CELF2: variants seen among roughly 807,000 people sequenced by gnomAD.
The protein encoded by CELF2 is CUGBP Elav-like family member 2.
CELF2 carries 8 observed loss-of-function variants against 62.6 expected under a neutral mutation model. That is an observed-to-expected ratio of 0.13 (90% CI 0.07 to 0.23). The LOEUF is 0.23. CELF2 is among the 10% of genes least tolerant of loss of function. The pLI, the probability that CELF2 is intolerant of heterozygous loss-of-function variation, is 1.00. For missense variants in CELF2, 333 were observed against 671.0 expected (o/e 0.50, Z 5.56); for synonymous variants, 258 against 250.0 (o/e 1.03, Z -0.30).
At chr10:10,557,533 A>T in the CELF2 span, among the ~76,000 whole-genome samples, 133 of 146,874 alleles carry the variant, frequency 9.1e-4, 1 homozygote, top group African/African-American at 3.1e-3. Flanking sequence ...TTTTGGTTCC[A>T]TATGAACTTT....
chr10:10,605,504 T>A, the CELF2 span, among the ~76,000 whole-genome samples: 2 of 152,244 alleles, frequency 1.3e-5, no homozygotes, highest in Non-Finnish European at 2.9e-5. Flanking sequence ...AGAAAACCTC[T>A]GTCGTTATAG....
chr10:11,004,044 C>G (rs2054799304), upstream of CELF2, among the ~76,000 whole-genome samples: 1 of 152,142 alleles, frequency 6.6e-6, no homozygotes. This position sits in a 1 kb window ranked among gnomAD's most constrained non-coding sequence, Gnocchi z 5.0. Context: ...TCTCCCCCTG[C>G]CCAGAGAACA....
At chr10:11,208,618 A>G (rs1372780811) in intron 2 of CELF2, among the ~76,000 whole-genome samples, 1 of 152,250 alleles carries the variant, frequency 6.6e-6, no homozygotes, top group Non-Finnish European at 1.5e-5. Flanking sequence ...ACCTACAGTC[A>G]AACAAGGTAG....
intron 5 of CELF2, among the ~76,000 whole-genome samples, chr10:11,262,761 A>G (rs1316989154): frequency 1.3e-5 from 2 of 152,148 alleles, no homozygotes; most frequent in Non-Finnish European, 2.9e-5. Context: ...CTGCATTAAG[A>G]TATTTCTTTG....
chr10:10,666,951 A>G, the CELF2 span, among the ~76,000 whole-genome samples: 1 of 152,148 alleles, frequency 6.6e-6, no homozygotes, highest in South Asian at 2.1e-4. Flanking sequence ...TTGCACACAC[A>G]TTCACACACA....
intron 1 of CELF2, among the ~76,000 whole-genome samples, chr10:11,147,586 C>T (rs1446978607): frequency 6.6e-6 from 1 of 152,108 alleles, no homozygotes; most frequent in East Asian, 1.9e-4. Flanking sequence ...TGCATATAAA[C>T]CAGGATGCCT....
chr10:11,119,057 G>A (rs149736866), intron 1 of CELF2, among the ~76,000 whole-genome samples: 93 of 152,274 alleles, frequency 6.1e-4, no homozygotes, highest in African/African-American at 2.1e-3. Flanking sequence ...CAGTTGACCA[G>A]CTACATGAAC....
chr10:10,787,984 A>T, the CELF2 span, among the ~76,000 whole-genome samples: 12 of 152,322 alleles, frequency 7.9e-5, no homozygotes, highest in African/African-American at 2.9e-4. Flanking sequence ...TGTCAAAATC[A>T]TATCACCAAT....
At chr10:10,822,751 A>C (rs973087498) in intron 1 of CELF2, among the ~76,000 whole-genome samples, 4 of 152,228 alleles carry the variant, frequency 2.6e-5, no homozygotes, top group Admixed American at 2.6e-4. Context: ...AGAAGGAGAG[A>C]GAGAACATGT....
intron 1 of CELF2, among the ~76,000 whole-genome samples, chr10:10,888,062 C>T (rs1306377031): frequency 6.6e-6 from 1 of 152,098 alleles, no homozygotes; most frequent in Non-Finnish European, 1.5e-5. Context: ...CGTGAGCCAC[C>T]GCACCCAGCC....
chr10:11,065,232 A>G (rs1291846), intron 1 of CELF2, among the ~76,000 whole-genome samples: 17,988 of 152,226 alleles, frequency 0.12, 1,377 homozygotes, highest in African/African-American at 0.22. Context: ...CGTGATCAAA[A>G]CATCAATATC....
chr10:10,954,223 A>G (rs200737673), intron 2 of CELF2, among the ~76,000 whole-genome samples: 1 of 72,396 alleles, frequency 1.4e-5, no homozygotes, highest in Non-Finnish European at 2.8e-5. Flanking sequence ...TATTATTATT[A>G]TTATTATTAT....
Position 10,842,007 on chromosome 10 carries a change from AT to A in CELF2, c.53+43194del, listed in dbSNP as rs1286629056. On this transcript the variant is annotated intron_variant, in intron 1 of 13. Transcript: ENST00000636488. ...TTTTCTGTATGTGGGTCCTATAAAT[AT>A]TTTGTTAGGTTTATATCTAAATATT... Among the ~76,000 whole-genome samples the A allele has an allele frequency of 2.6e-5, 4 of 151,980 alleles. No homozygotes were observed. The East Asian group carries it at 7.7e-4, about 29-fold the overall frequency.
chr10:11,161,775 T>G (rs543803620), intron 1 of CELF2, among the ~76,000 whole-genome samples: 111 of 152,316 alleles, frequency 7.3e-4, no homozygotes, highest in African/African-American at 2.6e-3. Context: ...GATGAGGTTG[T>G]TGTAAATAGG....
At chr10:11,262,184 G>A (rs1205455213) in intron 5 of CELF2, among the ~76,000 whole-genome samples, 5 of 152,136 alleles carry the variant, frequency 3.3e-5, no homozygotes, top group Non-Finnish European at 7.3e-5. Context: ...ATATTTTCAG[G>A]GATGTTGGCA....
the CELF2 span, among the ~76,000 whole-genome samples, chr10:10,706,950 G>A: frequency 6.6e-6 from 1 of 152,156 alleles, no homozygotes; most frequent in African/African-American, 2.4e-5. Flanking sequence ...AATCTCAGAA[G>A]GCCTTTAATG....
intron 1 of CELF2, among the ~76,000 whole-genome samples, chr10:11,101,465 C>T (rs143681806): frequency 4.6e-5 from 7 of 152,280 alleles, no homozygotes; most frequent in Non-Finnish European, 1.0e-4. Flanking sequence ...AGAGGGCTAG[C>T]TCTCAAGACA....
At chr10:11,113,743 C>A (rs2055844877) in intron 1 of CELF2, among the ~76,000 whole-genome samples, 1 of 152,106 alleles carries the variant, frequency 6.6e-6, no homozygotes, top group Admixed American at 6.5e-5. Context: ...AGCGGGTCTG[C>A]CTGTATGGAT....
At chr10:10,901,662 C>T (rs561684312) in intron 1 of CELF2, among the ~76,000 whole-genome samples, 33 of 150,038 alleles carry the variant, frequency 2.2e-4, no homozygotes, top group African/African-American at 7.7e-4. Flanking sequence ...TTGGACTTCA[C>T]TAAAGTTTTT....
Sources: gnomAD v4.1 joint callset for allele counts (sites outside exome capture counted in the v4.1 genomes callset) on GRCh38, gnomAD v4.1.1 for gene constraint, Gnocchi (gnomAD v3.1) non-coding constraint, MANE v1.5 for transcripts, NCBI Gene and HGNC (gene_info 2026-07-23, HGNC 2026-07-21) for gene names.